Variants in BLTP1 observed in about 807,000 individuals in gnomAD.
BLTP1 encodes the protein fragile site-associated protein.
chr4:122,339,559 A>G, the BLTP1 span: 1 of 571,392 alleles, frequency 1.8e-6, no homozygotes, highest in Non-Finnish European at 2.7e-6. Context: ...TAGCAGACCA[A>G]TGTTTTGAGT....
the BLTP1 span, chr4:122,246,033 A>C: frequency 8.7e-7 from 1 of 1,154,832 alleles, no homozygotes. Flanking sequence ...ATATAAAACT[A>C]GAACGCAGCT....
chr4:122,309,153 A>G, the BLTP1 span: 10 of 1,387,402 alleles, frequency 7.2e-6, no homozygotes, highest in African/African-American at 1.3e-4. Flanking sequence ...TCTTTAATGA[A>G]CATATCTAGG....
the BLTP1 span, chr4:122,359,956 G>A: frequency 2.0e-6 from 2 of 985,288 alleles, no homozygotes; most frequent in Non-Finnish European, 2.4e-6. Flanking sequence ...TGTCCAATGG[G>A]TGACATTACT....
the BLTP1 span, among the ~76,000 whole-genome samples, chr4:122,290,503 A>AT: frequency 6.6e-6 from 1 of 152,024 alleles, no homozygotes; most frequent in Non-Finnish European, 1.5e-5. Flanking sequence ...CTGAAAAAAT[A>AT]TAAGCCAGGC....
At chr4:122,281,660 C>G in the BLTP1 span, 9 of 1,613,006 alleles carry the variant, frequency 5.6e-6, no homozygotes, top group East Asian at 8.9e-5. Context: ...AGAAAAGAAG[C>G]CTATTGTTCT....
chr4:122,355,755 ATTG>A, the BLTP1 span: 13 of 1,544,284 alleles, frequency 8.4e-6, no homozygotes, highest in East Asian at 2.3e-5. Flanking sequence ...GTCAATGCCT[ATTG>A]TTTTAATTTG....
the BLTP1 span, chr4:122,247,138 C>T: frequency 6.3e-7 from 1 of 1,590,210 alleles, no homozygotes; most frequent in Non-Finnish European, 8.6e-7. Context: ...AAACATTTTA[C>T]TCTCTTTTTT....
chr4:122,299,507 A>G, the BLTP1 span, among the ~76,000 whole-genome samples: 1 of 152,224 alleles, frequency 6.6e-6, no homozygotes, highest in African/African-American at 2.4e-5. Flanking sequence ...TTGAAAAGTA[A>G]GCTAAACACC....
chr4:122,320,775 T>A, the BLTP1 span, among the ~76,000 whole-genome samples: 2 of 152,098 alleles, frequency 1.3e-5, no homozygotes, highest in East Asian at 3.9e-4. Context: ...TTAAGATCAT[T>A]TTACACCACT....
At chr4:122,245,061 C>T in the BLTP1 span, 1 of 1,612,372 alleles carries the variant, frequency 6.2e-7, no homozygotes, top group Non-Finnish European at 8.5e-7. Flanking sequence ...ACCCGACATC[C>T]AGCTGCAATT....
the BLTP1 span, chr4:122,234,279 T>C: frequency 1.4e-4 from 51 of 359,690 alleles, no homozygotes; most frequent in Non-Finnish European, 1.9e-4. Flanking sequence ...TTATTTTAAT[T>C]TTATTGAGAA....
chr4:122,312,750 ATTT>A, the BLTP1 span: 2 of 673,760 alleles, frequency 3.0e-6, no homozygotes, highest in Non-Finnish European at 3.7e-6. Flanking sequence ...CCCTTTTGAA[ATTT>A]TTCAAAGACA....
the BLTP1 span, among the ~76,000 whole-genome samples, chr4:122,311,449 A>C: frequency 6.6e-6 from 1 of 152,168 alleles, no homozygotes; most frequent in Admixed American, 6.6e-5. Context: ...AAATGGACAA[A>C]TTAGTTTACT....
At chr4:122,260,264 G>A in the BLTP1 span, among the ~76,000 whole-genome samples, 1 of 152,102 alleles carries the variant, frequency 6.6e-6, no homozygotes, top group Non-Finnish European at 1.5e-5. Flanking sequence ...ATAATCTTAT[G>A]GGTTCACTGT....
At chr4:122,171,798 A>AG in the BLTP1 span, 1 of 984,082 alleles carries the variant, frequency 1.0e-6, no homozygotes, top group Non-Finnish European at 1.2e-6. Flanking sequence ...CCTTTCTTTA[A>AG]GAAAAAAACA....
At chr4:122,362,446 A>G in the BLTP1 span, 1 of 424,502 alleles carries the variant, frequency 2.4e-6, no homozygotes, top group African/African-American at 2.0e-5. Context: ...AAATTTTGTG[A>G]AAAACTAGAT....
the BLTP1 span, chr4:122,197,178 A>T: frequency 2.3e-5 from 23 of 1,003,452 alleles, no homozygotes; most frequent in African/African-American, 3.4e-5. Flanking sequence ...ATATGAATTA[A>T]TTTTTTTCTT....
At chr4:122,228,107 G>A in the BLTP1 span, among the ~76,000 whole-genome samples, 3 of 151,880 alleles carry the variant, frequency 2.0e-5, no homozygotes, top group East Asian at 1.9e-4. Context: ...TAGAGATAGG[G>A]TTTCACTGTG....
the BLTP1 span, chr4:122,308,261 GT>G: frequency 3.2e-6 from 4 of 1,258,082 alleles, no homozygotes; most frequent in Non-Finnish European, 4.4e-6. Flanking sequence ...CAGTGTAACA[GT>G]TTATAACTGT....
Sources: allele counts gnomAD v4.1 joint callset (sites outside exome capture counted in the v4.1 genomes callset), GRCh38; gene constraint gnomAD v4.1.1; transcripts MANE v1.5; gene names NCBI Gene and HGNC (gene_info 2026-07-23, HGNC 2026-07-21).